XRCC4: variants seen among roughly 807,000 people sequenced by gnomAD.
XRCC4 encodes the protein DNA repair protein XRCC4.
In XRCC4, 28 loss-of-function variants were observed where a neutral mutation model predicts 39.1. That is an observed-to-expected ratio of 0.72 (90% confidence interval 0.53 to 0.98). XRCC4 has a LOEUF of 0.98. XRCC4 is among the 50% of genes least tolerant of loss of function. XRCC4 has a pLI of 0.00. For synonymous variants in XRCC4, 123 were observed against 126.4 expected (o/e 0.97, Z 0.18); for missense variants, 350 against 376.4 (o/e 0.93, Z 0.58).
chr5:83,367,559 A>G, the XRCC4 span, among the ~76,000 whole-genome samples: 1 of 152,098 alleles, frequency 6.6e-6, no homozygotes, highest in Non-Finnish European at 1.5e-5. Flanking sequence ...GGCTGCTGCC[A>G]CTGCCACCAT....
the XRCC4 span, among the ~76,000 whole-genome samples, chr5:83,358,998 G>A: frequency 9.1e-4 from 138 of 151,758 alleles, 1 homozygote; most frequent in East Asian, 6.6e-3. Flanking sequence ...AAGTTTTCTC[G>A]GAACTGTATA....
downstream of XRCC4, among the ~76,000 whole-genome samples, chr5:83,357,985 A>G (rs1757208758): frequency 6.6e-6 from 1 of 152,224 alleles, no homozygotes; most frequent in Admixed American, 6.5e-5. Context: ...AGGTAGTTAC[A>G]TTTTGTATTC....
intron 7 of XRCC4, among the ~76,000 whole-genome samples, chr5:83,304,138 A>G (rs182206960): frequency 3.5e-4 from 53 of 151,926 alleles, no homozygotes; most frequent in African/African-American, 1.3e-3. Flanking sequence ...TTAAGATCAC[A>G]TGAATCATCT....
intron 3 of XRCC4, among the ~76,000 whole-genome samples, chr5:83,128,133 C>T (rs1396283968): frequency 6.6e-6 from 1 of 152,066 alleles, no homozygotes; most frequent in Non-Finnish European, 1.5e-5. Flanking sequence ...CTCCTGCCAC[C>T]CCACGACAGG....
At chr5:83,139,983 C>G (rs910194219) in intron 3 of XRCC4, among the ~76,000 whole-genome samples, 4 of 152,194 alleles carry the variant, frequency 2.6e-5, no homozygotes, top group African/African-American at 9.7e-5. Flanking sequence ...AGAGTTTACT[C>G]TAGCCTTTCC....
intron 6 of XRCC4, among the ~76,000 whole-genome samples, chr5:83,231,300 G>A (rs993831125): frequency 6.6e-6 from 1 of 151,954 alleles, no homozygotes; most frequent in African/African-American, 2.4e-5. Flanking sequence ...AGATCCCAGA[G>A]AACTTTTAGA....
intron 7 of XRCC4, among the ~76,000 whole-genome samples, chr5:83,301,650 A>G (rs1469286802): frequency 1.3e-5 from 2 of 152,168 alleles, no homozygotes; most frequent in African/African-American, 4.8e-5. Flanking sequence ...GTCTTTGCCC[A>G]TGCCTATGCC....
chr5:83,168,184 T>C (rs1749569292), intron 3 of XRCC4, among the ~76,000 whole-genome samples: 1 of 152,064 alleles, frequency 6.6e-6, no homozygotes, highest in African/African-American at 2.4e-5. Context: ...ATTGTAAACA[T>C]TGGAAAGCAA....
At chr5:83,124,600 G>T (rs912297058) in intron 3 of XRCC4, among the ~76,000 whole-genome samples, 16 of 152,102 alleles carry the variant, frequency 1.1e-4, no homozygotes, top group Non-Finnish European at 4.4e-5. Context: ...TCATGTACAG[G>T]TTTCCATGTG....
At chr5:83,271,713 T>C (rs1754150097) in intron 7 of XRCC4, among the ~76,000 whole-genome samples, 1 of 151,866 alleles carries the variant, frequency 6.6e-6, no homozygotes, top group African/African-American at 2.4e-5. Flanking sequence ...TCTATTCCCC[T>C]CTCCTACATA....
At chr5:83,336,287 G>T (rs1756592466) in intron 7 of XRCC4, among the ~76,000 whole-genome samples, 1 of 152,116 alleles carries the variant, frequency 6.6e-6, no homozygotes, top group Non-Finnish European at 1.5e-5. Context: ...CATATTTATA[G>T]CCTGTTCAGT....
chr5:83,343,096 G>C (rs1436507775), intron 7 of XRCC4, among the ~76,000 whole-genome samples: 1 of 150,018 alleles, frequency 6.7e-6, no homozygotes, highest in African/African-American at 2.5e-5. Flanking sequence ...CAAATGATGT[G>C]TGCCCCAGCC....
chr5:83,191,567 G>T (rs575389830), intron 3 of XRCC4, among the ~76,000 whole-genome samples: 1 of 152,094 alleles, frequency 6.6e-6, no homozygotes, highest in South Asian at 2.1e-4. Context: ...GGGCATGGTG[G>T]CCCACCCCTG....
intron 6 of XRCC4, among the ~76,000 whole-genome samples, chr5:83,223,523 A>G (rs539979696): frequency 2.7e-5 from 4 of 149,532 alleles, no homozygotes; most frequent in African/African-American, 9.8e-5. Context: ...AGTTTATTGT[A>G]TCTGATATAA....
intron 3 of XRCC4, among the ~76,000 whole-genome samples, chr5:83,159,325 G>T (rs1472296184): frequency 6.6e-6 from 1 of 152,098 alleles, no homozygotes; most frequent in Non-Finnish European, 1.5e-5. Flanking sequence ...TTGAGATGGG[G>T]TTGATGGAGA....
chr5:83,166,473 T>TC (rs1249796041), intron 3 of XRCC4, among the ~76,000 whole-genome samples: 1 of 142,946 alleles, frequency 7.0e-6, no homozygotes, highest in Non-Finnish European at 1.5e-5. Context: ...TTTTTTTTTT[T>TC]CTTTTTTTGA....
At chr5:83,251,862 G>T (rs1325169271) in intron 6 of XRCC4, among the ~76,000 whole-genome samples, 1 of 152,152 alleles carries the variant, frequency 6.6e-6, no homozygotes, top group Non-Finnish European at 1.5e-5. Flanking sequence ...AGTTTATTTG[G>T]TGATTGGTAA....
chr5:83,372,096 T>C, the XRCC4 span, among the ~76,000 whole-genome samples: 1 of 152,242 alleles, frequency 6.6e-6, no homozygotes, highest in Non-Finnish European at 1.5e-5. Context: ...CCTTTTGCTT[T>C]AATACATTAT....
chr5:83,233,979 T>G (rs77089979), intron 6 of XRCC4, among the ~76,000 whole-genome samples: 1 of 151,772 alleles, frequency 6.6e-6, no homozygotes, highest in East Asian at 1.9e-4. Context: ...TTTACAGCAC[T>G]ATGGAGATCT....
Sources: allele counts gnomAD v4.1 joint callset (sites outside exome capture counted in the v4.1 genomes callset), GRCh38; gene constraint gnomAD v4.1.1; transcripts MANE v1.5; gene names NCBI Gene and HGNC (gene_info 2026-07-23, HGNC 2026-07-21).